Variants in TP53BP2 observed in about 807,000 individuals in gnomAD.
The protein encoded by TP53BP2 is tumor protein p53 binding protein 2, also known as apoptosis-stimulating of p53 protein 2.
TP53BP2 carries 62 observed loss-of-function variants against 126.2 expected under a neutral mutation model. That is an observed-to-expected ratio of 0.49 (90% CI 0.40 to 0.61). The LOEUF (loss-of-function observed/expected upper bound fraction) is 0.61. TP53BP2 is among the 20% of genes least tolerant of loss of function. TP53BP2 has a pLI of 0.00. For synonymous variants in TP53BP2, 485 were observed against 502.9 expected (o/e 0.96, Z 0.48); for missense variants, 1,215 against 1,402.8 (o/e 0.87, Z 2.14).
intron 1 of TP53BP2, among the ~76,000 whole-genome samples, chr1:223,844,127 T>C (rs1664195053): frequency 6.6e-6 from 1 of 152,176 alleles, no homozygotes; most frequent in Non-Finnish European, 1.5e-5. Context: ...AATACTGAAG[T>C]GTTAGTCTGA....
intron 1 of TP53BP2, among the ~76,000 whole-genome samples, chr1:223,839,364 A>G (rs1332508036): frequency 1.3e-5 from 2 of 152,232 alleles, no homozygotes; most frequent in African/African-American, 4.8e-5. Context: ...TGTGAGGCAC[A>G]GAAAGGGGGC....
intron 2 of TP53BP2, among the ~76,000 whole-genome samples, chr1:223,818,830 T>C (rs7547098): frequency 0.52 from 77,982 of 150,824 alleles, 22,282 homozygotes; most frequent in African/African-American, 0.78. Context: ...CAACCCTCCT[T>C]GGCCTCCCAA....
At position 223,790,738 on chromosome 1, in the gene TP53BP2, G is replaced by C. The variant is rs150075859; in HGVS notation, c.2997-1564C>G. ...CCCACCTCAGCCTCCCCGGTAGCTG[G>C]GACTACAGGCACACACCAGCGCACC... On this transcript the variant is annotated intron_variant, in intron 15 of 17. Coordinates refer to ENST00000343537, the MANE Select transcript of TP53BP2 (RefSeq NM_001031685.3). Among the ~76,000 whole-genome samples, 1,051 of 151,412 alleles carry C rather than the reference G, an allele frequency of 6.9e-3. 12 individuals carry two copies. Among genetic ancestry groups the C allele is most frequent in the African/African-American group, 0.024 (995 of 41,282 alleles).
At chr1:223,800,595 A>T in intron 10 of TP53BP2, 105 bp downstream of exon 10, 1 of 855,522 alleles carries the variant, frequency 1.2e-6, no homozygotes, top group Non-Finnish European at 1.7e-6. Flanking sequence ...TAAAAAAAAC[A>T]AAAAAAGGAA....
chr1:223,804,473 C>T (rs977741209), intron 5 of TP53BP2, 125 bp from the exon 6 acceptor site: 24 of 833,716 alleles, frequency 2.9e-5, no homozygotes, highest in East Asian at 2.1e-4. Flanking sequence ...TCTGGTCTCA[C>T]CTTCTTCCTA....
chr1:223,804,159 T>A lies in TP53BP2; in HGVS notation c.649+15A>T, dbSNP rs1415117107. The A allele has an allele frequency of 1.3e-6, 2 of 1,593,140 alleles. No homozygotes were observed. Among genetic ancestry groups the A allele is most frequent in the Non-Finnish European group, 1.7e-6 (2 of 1,173,772 alleles). ...ATAAATGTATAAAAAAGTAAATCTA[T>A]GAGGAACAACTCACCAAGTTTCCCA... is the stretch of plus-strand genomic sequence containing the variant. On this transcript the variant is annotated intron_variant, in intron 6 of 17. Transcript: ENST00000343537.
chr1:223,790,283 G>T (rs777977128), intron 15 of TP53BP2, among the ~76,000 whole-genome samples: 7 of 151,246 alleles, frequency 4.6e-5, no homozygotes, highest in African/African-American at 1.7e-4. Context: ...TTGGCCAGGC[G>T]CAGTGACTCA....
intron 7 of TP53BP2, 26 bp from the exon 8 acceptor site, chr1:223,802,921 GT>G: frequency 6.2e-7 from 1 of 1,613,068 alleles, no homozygotes; most frequent in South Asian, 1.1e-5. Context: ...GGGAAAAAAG[GT>G]AGCCAAGGAG....
intron 8 of TP53BP2, 117 bp from the exon 9 acceptor site, chr1:223,802,461 T>C: frequency 9.2e-7 from 1 of 1,081,962 alleles, no homozygotes; most frequent in Non-Finnish European, 1.3e-6. Flanking sequence ...AATCTAGCCA[T>C]AGAGTCTACA....
chr1:223,836,502 G>A lies in TP53BP2; in HGVS notation c.27+9152C>T, dbSNP rs1258664637. 2.0e-5 allele frequency among the ~76,000 whole-genome samples: 3 copies of A among 152,148 alleles called. No individual in the cohort carries two copies. In the East Asian group the frequency reaches 5.8e-4, roughly 29 times the overall value. ...TGGAAATGTATCAATGACACAAAAA[G>A]GCTGAAATCCACTGGGCTACACAAT... On this transcript the variant is annotated intron_variant, in intron 1 of 17. Transcript: ENST00000343537.
In TP53BP2 at chr1:223,796,352, C is replaced by T; in HGVS notation, c.2187G>A (p.Lys729=). The change falls in exon 13 of 18, where the codon AAG becomes AAA. Residue 729 remains lysine, a synonymous_variant. Coordinates refer to ENST00000343537, the MANE Select transcript of TP53BP2 (RefSeq NM_001031685.3). This position sits in a 1 kb window ranked among gnomAD's most constrained non-coding sequence, Gnocchi z 4.2. Reference sequence around the variant, plus strand: ...GAGGCCTTGGTGCGTTAGACAGTTTCTTTCGTAAGGCTTCTAGGTCAGCAT... The same window carrying T: ...GAGGCCTTGGTGCGTTAGACAGTTTTTTTCGTAAGGCTTCTAGGTCAGCAT... ...QSDADLEALR[K]KLSNAPRPLK... 1 of 1,614,152 alleles carries T rather than the reference C, an allele frequency of 6.2e-7. No homozygotes were observed. Among genetic ancestry groups the T allele is most frequent in the Non-Finnish European group, 8.5e-7 (1 of 1,180,032 alleles).
At chr1:223,784,374 A>C in intron 16 of TP53BP2, 60 bp from the exon 17 acceptor site, 1 of 1,530,048 alleles carries the variant, frequency 6.5e-7, no homozygotes, top group Non-Finnish European at 9.0e-7. Context: ...ACCACTCTAC[A>C]ACTTTTAGCT....
At chr1:223,805,459 C>T (rs188495403) in intron 5 of TP53BP2, among the ~76,000 whole-genome samples, 214 of 152,264 alleles carry the variant, frequency 1.4e-3, no homozygotes, top group Non-Finnish European at 1.5e-3. Context: ...ATTTTCAACA[C>T]GATCCCCAGG....
At chr1:223,782,419 T>C (rs1034914463) in intron 17 of TP53BP2, among the ~76,000 whole-genome samples, 7 of 152,264 alleles carry the variant, frequency 4.6e-5, no homozygotes, top group Non-Finnish European at 8.8e-5. Context: ...ACTTCTCTAG[T>C]GCTAGAGACT....
chr1:223,834,711 C>T (rs746812522), intron 1 of TP53BP2: 9 of 552,396 alleles, frequency 1.6e-5, no homozygotes, highest in Non-Finnish European at 2.1e-5. Context: ...CACTTCTCTC[C>T]CCAGAGTAGC....
intron 1 of TP53BP2, among the ~76,000 whole-genome samples, chr1:223,835,012 C>CT (rs1663870819): frequency 6.6e-6 from 1 of 152,192 alleles, no homozygotes; most frequent in Admixed American, 6.5e-5. Context: ...CCAAAAAACT[C>CT]TGTCAGATCT....
chr1:223,806,825 A>C (rs79083533), intron 5 of TP53BP2, 21 bp downstream of exon 5: 2 of 1,489,448 alleles, frequency 1.3e-6, no homozygotes, highest in Non-Finnish European at 1.8e-6. Context: ...ATTCATCTCC[A>C]AAAAAAAAGG....
At chr1:223,790,377 C>T (rs1053457434) in intron 15 of TP53BP2, among the ~76,000 whole-genome samples, 3 of 151,670 alleles carry the variant, frequency 2.0e-5, no homozygotes, top group Admixed American at 2.0e-4. Context: ...GGCAACACAG[C>T]AAAACCCCAT....
At position 223,799,971 on chromosome 1, in the gene TP53BP2, C is replaced by G. The variant is rs376820653; in HGVS notation, c.1413G>C (p.Gln471His). The G allele has an allele frequency of 3.7e-6, 6 of 1,613,394 alleles. No individual in the cohort carries two copies. In the African/African-American group the frequency reaches 8.0e-5, roughly 22 times the overall value. The part of the protein sequence containing the change: ...RPFSMFDAVD[Q>H]SNAPPSFGTL... The stretch of plus-strand genomic sequence containing the variant: ...TACCAAAGGAAGGTGGGGCATTGGA[C>G]TGGTCTACTGCATCAAACATTGAGA... Residue 471 changes from glutamine (Q) to histidine (H), a missense_variant, in exon 11 of 18, where the codon CAG becomes CAC. Physicochemically the swap from Gln to His is conservative, Grantham distance 24. Around this residue, in one of 4 missense-constraint regions of TP53BP2, gnomAD observed 814 missense variants for 853.0 expected, o/e 0.95. Transcript: ENST00000343537.
Sources: allele counts gnomAD v4.1 joint callset (sites outside exome capture counted in the v4.1 genomes callset), GRCh38; gene constraint gnomAD v4.1.1; regional missense constraint gnomAD v4.1.1; non-coding constraint Gnocchi (gnomAD v3.1); transcripts MANE v1.5; gene names NCBI Gene and HGNC (gene_info 2026-07-23, HGNC 2026-07-21).